The following RABGAP1L variants were observed in gnomAD, a reference collection of about 807,000 sequenced individuals.
The protein encoded by RABGAP1L is rab GTPase-activating protein 1-like.
In RABGAP1L, 63 loss-of-function variants were observed where a neutral mutation model predicts 137.7. The observed-to-expected ratio is 0.46, with a 90% confidence interval of 0.37 to 0.56. The LOEUF (loss-of-function observed/expected upper bound fraction) is 0.56, where lower values mean the gene tolerates loss of function less well. RABGAP1L is among the 20% of genes least tolerant of loss of function. The probability of loss-of-function intolerance (pLI) is 0.00; values close to 1 mark genes in which losing one functional copy is unlikely to be tolerated. For synonymous variants in RABGAP1L, 431 were observed against 433.7 expected, an observed-to-expected ratio of 0.99 and a Z score of 0.08; for missense variants, 1,095 against 1,244.0, an observed-to-expected ratio of 0.88 and a Z score of 1.80.
intron 11 of RABGAP1L, among the ~76,000 whole-genome samples, chr1:174,356,964 T>C (rs532272662): frequency 6.6e-6 from 1 of 150,830 alleles, no homozygotes; most frequent in Non-Finnish European, 1.5e-5. Flanking sequence ...TGAGCACATG[T>C]TTAGATTGAA....
At chr1:174,255,043 G>C (rs1418982525) in intron 7 of RABGAP1L, among the ~76,000 whole-genome samples, 1 of 152,194 alleles carries the variant, frequency 6.6e-6, no homozygotes, top group African/African-American at 2.4e-5. Context: ...ACTGGTGTGA[G>C]ATGGTATCTC....
intron 13 of RABGAP1L, among the ~76,000 whole-genome samples, chr1:174,419,333 CT>C (rs1179052454): frequency 6.6e-6 from 1 of 152,192 alleles, no homozygotes; most frequent in Non-Finnish European, 1.5e-5. Flanking sequence ...AATGTCAACA[CT>C]ACTACTAGTT....
chr1:174,343,727 A>G (rs1401085466), intron 11 of RABGAP1L, among the ~76,000 whole-genome samples: 1 of 152,160 alleles, frequency 6.6e-6, no homozygotes, highest in Non-Finnish European at 1.5e-5. Flanking sequence ...GTAGGGGAAG[A>G]GCCATGAAAA....
At chr1:174,181,710 A>G (rs1666385383) in intron 1 of RABGAP1L, among the ~76,000 whole-genome samples, 1 of 152,208 alleles carries the variant, frequency 6.6e-6, no homozygotes, top group Non-Finnish European at 1.5e-5. Context: ...CCCCACAGAT[A>G]CTAAGGGACT....
intron 13 of RABGAP1L, among the ~76,000 whole-genome samples, chr1:174,634,873 G>T (rs1272342156): frequency 7.6e-6 from 1 of 131,528 alleles, no homozygotes; most frequent in Non-Finnish European, 1.6e-5. Context: ...TCACACTCTG[G>T]GGACTGTGGT....
rs1174898691 is a variant in RABGAP1L at position 174,991,608 on chromosome 1, G to T, written c.*1607G>T. The T allele has an allele frequency of 6.6e-6, 1 of 152,044 alleles. No individual in the cohort carries two copies. The highest frequency in any genetic ancestry group is 1.5e-5 in the Non-Finnish European group (1 of 68,014). The allele number at this position is 152,044 out of a possible 1,614,324, so 9.4% of individuals were successfully genotyped here. A position where few individuals can be genotyped will look rare whatever the true frequency, so the allele number is the denominator to read the frequency against. ...TACAGCCCATAAAACTGATGTGATT[G>T]TTATGTTATACTCATCAGATAATAC... On this transcript the variant is annotated 3_prime_UTR_variant, in exon 26 of 26. Coordinates refer to ENST00000681986, the MANE Select transcript of RABGAP1L (RefSeq NM_001366446.1).
intron 11 of RABGAP1L, chr1:174,367,477 G>T: frequency 4.9e-6 from 1 of 203,994 alleles, no homozygotes. Context: ...GGCCTCTTCC[G>T]AAAAGAAAAG....
chr1:174,364,243 C>CT (rs1054313083), intron 11 of RABGAP1L, among the ~76,000 whole-genome samples: 2,604 of 81,132 alleles, frequency 0.032, 815 homozygotes, highest in African/African-American at 0.12. Context: ...TTTGGATTTC[C>CT]TTTTTTTTTT....
At chr1:174,854,715 CTTTT>C (rs71117584) in intron 19 of RABGAP1L, among the ~76,000 whole-genome samples, 11 of 56,838 alleles carry the variant, frequency 1.9e-4, no homozygotes, top group Non-Finnish European at 2.7e-4. Flanking sequence ...AATATAAATG[CTTTT>C]TTTTTTTTTT....
At chr1:174,822,997 T>G (rs781422471) in intron 19 of RABGAP1L, among the ~76,000 whole-genome samples, 5 of 152,216 alleles carry the variant, frequency 3.3e-5, no homozygotes, top group Non-Finnish European at 7.3e-5. Flanking sequence ...AACTCTTTTC[T>G]TAGAAAAACA....
At chr1:174,548,154 ACATATGTT>A (rs2147969779) in intron 13 of RABGAP1L, 1 of 1,479,694 alleles carries the variant, frequency 6.8e-7, no homozygotes, top group Admixed American at 2.4e-5. Context: ...GGTTGATGTT[ACATATGTT>A]CATTTTACAA....
At chr1:174,507,850 CA>C (rs2147789582) in intron 13 of RABGAP1L, among the ~76,000 whole-genome samples, 1 of 69,070 alleles carries the variant, frequency 1.4e-5, no homozygotes, top group South Asian at 3.4e-4. Flanking sequence ...ATTCACCAAA[CA>C]GAGTTATCTT....
intron 13 of RABGAP1L, among the ~76,000 whole-genome samples, chr1:174,508,048 A>G (rs1381678694): frequency 6.6e-6 from 1 of 152,144 alleles, no homozygotes; most frequent in Non-Finnish European, 1.5e-5. Context: ...GTGAATAAAA[A>G]ATTATATGAG....
At chr1:174,985,860 AG>A (rs149060709) in intron 24 of RABGAP1L, among the ~76,000 whole-genome samples, 139 of 152,332 alleles carry the variant, frequency 9.1e-4, no homozygotes, top group African/African-American at 3.3e-3. Flanking sequence ...TAGTAACCCA[AG>A]CTAATCAGTC....
At chr1:174,906,007 A>C (rs1297552594) in intron 19 of RABGAP1L, among the ~76,000 whole-genome samples, 2 of 152,078 alleles carry the variant, frequency 1.3e-5, no homozygotes, top group African/African-American at 4.8e-5. Flanking sequence ...CAGAACAAGG[A>C]AGGGGAAGAA....
At chr1:174,368,510 G>A (rs189821172) in intron 11 of RABGAP1L, among the ~76,000 whole-genome samples, 63 of 152,174 alleles carry the variant, frequency 4.1e-4, no homozygotes, top group Non-Finnish European at 8.2e-4. Flanking sequence ...TGGTAGATAC[G>A]TTTCATTGTT....
chr1:174,525,428 G>A (rs1403645930), intron 13 of RABGAP1L, among the ~76,000 whole-genome samples: 1 of 151,814 alleles, frequency 6.6e-6, no homozygotes, highest in African/African-American at 2.4e-5. Context: ...TTTCCTTGAT[G>A]CTTTTTTGGC....
At chr1:174,645,002 G>A (rs1338513645) in intron 14 of RABGAP1L, among the ~76,000 whole-genome samples, 1 of 151,926 alleles carries the variant, frequency 6.6e-6, no homozygotes, top group African/African-American at 2.4e-5. Context: ...TATAACATGA[G>A]CACTATAGTT....
chr1:174,172,906 A>G (rs952641960), intron 1 of RABGAP1L, among the ~76,000 whole-genome samples: 1 of 152,120 alleles, frequency 6.6e-6, no homozygotes, highest in Non-Finnish European at 1.5e-5. Context: ...TTGGTGTAGT[A>G]TCCACCAATA....
Sources: allele counts gnomAD v4.1 joint callset (sites outside exome capture counted in the v4.1 genomes callset), GRCh38; gene constraint gnomAD v4.1.1; transcripts MANE v1.5; gene names NCBI Gene and HGNC (gene_info 2026-07-23, HGNC 2026-07-21).